The following LRP2 variants were observed in gnomAD, a reference collection of about 807,000 sequenced individuals.
LRP2 encodes low-density lipoprotein receptor-related protein 2.
In LRP2, 172 loss-of-function variants were observed where a neutral mutation model predicts 531.0. That is an observed-to-expected ratio of 0.32 (90% CI 0.29 to 0.37). The LOEUF is 0.37. LRP2 is among the 10% of genes least tolerant of loss of function. LRP2 has a pLI of 1.00. For missense variants in LRP2, 5,167 were observed against 5,868.3 expected (o/e 0.88, Z 3.90); for synonymous variants, 1,992 against 2,027.6 (o/e 0.98, Z 0.47).
At chr2:169,182,062 C>A in intron 51 of LRP2, 105 bp downstream of exon 51, 2 of 1,459,394 alleles carry the variant, frequency 1.4e-6, no homozygotes, top group South Asian at 1.1e-5. Context: ...GAAGACAAAC[C>A]CCAGCAAGAC....
At chr2:169,302,095 A>T (rs1349928784) in intron 4 of LRP2, among the ~76,000 whole-genome samples, 2 of 152,122 alleles carry the variant, frequency 1.3e-5, no homozygotes, top group Non-Finnish European at 2.9e-5. Context: ...TCCACAAGTA[A>T]TGATTTCCAT....
intron 1 of LRP2, among the ~76,000 whole-genome samples, chr2:169,350,490 G>A (rs772002619): frequency 5.3e-5 from 8 of 152,122 alleles, no homozygotes; most frequent in Admixed American, 2.0e-4. Context: ...TTGAGAGGCC[G>A]AGGGAGGAGG....
At chr2:169,170,211 T>G (rs910117686) in intron 59 of LRP2, among the ~76,000 whole-genome samples, 1 of 152,206 alleles carries the variant, frequency 6.6e-6, no homozygotes, top group Non-Finnish European at 1.5e-5. Context: ...TAGGAGCACA[T>G]GCATATTCCT....
rs759810477 is a variant in LRP2, at chr2:169,173,198, A to C, written c.11041T>G (p.Phe3681Val). The change falls in exon 57 of 79, where the codon TTC becomes GTC. Residue 3681 changes from phenylalanine to valine, a missense_variant. Around this residue, in one of 6 missense-constraint regions of LRP2, gnomAD observed 311 missense variants for 309.4 expected, o/e 1.01. Transcript: ENST00000649046. ...CMSSAHLCDN[F>V]TEFSCKTNYR... ...TTTGTTTTGCAGCTGAATTCTGTGA[A>C]GTTGTCACAGAGATGGGCAGAGCTC... 7.4e-6 allele frequency: 12 copies of C among 1,614,176 alleles called. No individual in the cohort carries two copies. Among genetic ancestry groups the C allele is most frequent in the South Asian group, 1.1e-5 (1 of 91,078 alleles).
chr2:169,301,450 T>C (rs1176552349), intron 4 of LRP2, among the ~76,000 whole-genome samples: 3 of 151,830 alleles, frequency 2.0e-5, no homozygotes, highest in Admixed American at 6.6e-5. Context: ...TGAGATGCCA[T>C]TTTACAGATG....
At chr2:169,261,264 A>C (rs1386445894) in intron 16 of LRP2, among the ~76,000 whole-genome samples, 1 of 152,030 alleles carries the variant, frequency 6.6e-6, no homozygotes, top group Non-Finnish European at 1.5e-5. Context: ...ATTTGGAAAA[A>C]AGAAGGTATC....
chr2:169,203,162 C>T (rs1311370816), intron 42 of LRP2, among the ~76,000 whole-genome samples: 2 of 152,052 alleles, frequency 1.3e-5, no homozygotes, highest in African/African-American at 2.4e-5. Flanking sequence ...ATAAATGTGC[C>T]GATTCCTTCT....
chr2:169,269,206 C>T lies in LRP2; in HGVS notation c.2320+1698G>A, dbSNP rs537772427. Among the ~76,000 whole-genome samples, 53 of 152,274 alleles carry T rather than the reference C, an allele frequency of 3.5e-4. No homozygotes were observed. In the South Asian group the frequency reaches 4.8e-3, roughly 14 times the overall value. Reference sequence around the variant, plus strand: ...AGGTGATTTATAGATTCAATGCCATCCCCATCAAGCTACCAATGACTTTCT... The same window carrying T: ...AGGTGATTTATAGATTCAATGCCATTCCCATCAAGCTACCAATGACTTTCT... On this transcript the variant is annotated intron_variant, in intron 16 of 78. Coordinates refer to ENST00000649046, the MANE Select transcript of LRP2 (RefSeq NM_004525.3).
intron 32 of LRP2, 144 bp downstream of exon 32, chr2:169,226,278 T>C (rs572669718): frequency 2.1e-5 from 14 of 678,218 alleles, no homozygotes; most frequent in South Asian, 7.3e-5. Flanking sequence ...ATACCCCTCA[T>C]TGAATCAAAA....
At chr2:169,318,671 A>G in intron 3 of LRP2, 91 bp downstream of exon 3, 1 of 1,573,422 alleles carries the variant, frequency 6.4e-7, no homozygotes, top group East Asian at 2.2e-5. Context: ...CACATTTATA[A>G]AGAATCATCC....
At chr2:169,173,887 G>T in intron 56 of LRP2, 32 bp downstream of exon 56, 2 of 1,613,440 alleles carry the variant, frequency 1.2e-6, no homozygotes, top group East Asian at 4.5e-5. Flanking sequence ...TCCCTGCTCT[G>T]GTCATGCCTT....
intron 24 of LRP2, among the ~76,000 whole-genome samples, chr2:169,242,261 A>G (rs1292529180): frequency 1.3e-5 from 2 of 152,214 alleles, no homozygotes; most frequent in Non-Finnish European, 2.9e-5. Context: ...TCTAAAATCC[A>G]TTTAAAACAA....
intron 50 of LRP2, among the ~76,000 whole-genome samples, chr2:169,183,220 G>A (rs141760683): frequency 1.1e-4 from 16 of 152,318 alleles, no homozygotes; most frequent in African/African-American, 2.4e-4. Flanking sequence ...ACAAGTACGC[G>A]CTTAACCATT....
At position 169,137,470 on chromosome 2, in the gene LRP2, C is replaced by T. The variant is rs757120992; in HGVS notation, c.13542G>A (p.Met4514Ile). The change falls in exon 76 of 79, where the codon ATG becomes ATA. Residue 4514 changes from methionine to isoleucine, a missense_variant. This residue lies in a region of LRP2 where 348 missense variants were observed against 369.3 expected (regional missense o/e 0.94). Coordinates refer to ENST00000649046, the MANE Select transcript of LRP2 (RefSeq NM_004525.3). ...MAMSEDFVME[M>I]GKQPIIFENP... ...TTTCAAATATTATGGGCTGCTTCCC[C>T]ATTTCCATGACAAAGTCTTCACTCT... 25 of 1,612,726 alleles carry T rather than the reference C, an allele frequency of 1.6e-5. No homozygotes were observed. Among genetic ancestry groups the T allele is most frequent in the Non-Finnish European group, 1.9e-5 (22 of 1,178,964 alleles).
chr2:169,354,399 G>T (rs114592855), intron 1 of LRP2, among the ~76,000 whole-genome samples: 1 of 152,298 alleles, frequency 6.6e-6, no homozygotes, highest in African/African-American at 2.4e-5. Context: ...ATGCGCCATT[G>T]TATCCATGGT....
Position 169,211,171 on chromosome 2 carries a change from T to C in LRP2, c.6280+797A>G, listed in dbSNP as rs551400141. On this transcript the variant is annotated intron_variant, in intron 37 of 78. Coordinates refer to ENST00000649046, the MANE Select transcript of LRP2 (RefSeq NM_004525.3). ...GGAGGACGTGTGGGACTGGAAGCTC[T>C]CTGATTCCCTTCTCCAGGTGCATTT... Among the ~76,000 whole-genome samples the C allele has an allele frequency of 1.2e-4, 18 of 152,346 alleles. No homozygotes were observed. The East Asian group carries it at 3.5e-3, about 29-fold the overall frequency.
intron 4 of LRP2, among the ~76,000 whole-genome samples, chr2:169,306,249 A>AG (rs1280258050): frequency 6.6e-6 from 1 of 152,102 alleles, no homozygotes; most frequent in African/African-American, 2.4e-5. Flanking sequence ...CAGAGAAACT[A>AG]GGGGCCAGAC....
At chr2:169,202,605 A>T in intron 43 of LRP2, 151 bp downstream of exon 43, 1 of 772,984 alleles carries the variant, frequency 1.3e-6, no homozygotes, top group Non-Finnish European at 2.3e-6. Context: ...TAACAGAAAC[A>T]GTCTGGATTA....
intron 1 of LRP2, among the ~76,000 whole-genome samples, chr2:169,343,592 A>G (rs1432250146): frequency 3.3e-5 from 5 of 152,194 alleles, no homozygotes; most frequent in Non-Finnish European, 7.3e-5. Context: ...GAAATTACTA[A>G]CACCCATTGT....
Sources: allele counts gnomAD v4.1 joint callset (sites outside exome capture counted in the v4.1 genomes callset), GRCh38; gene constraint gnomAD v4.1.1; regional missense constraint gnomAD v4.1.1; transcripts MANE v1.5; gene names NCBI Gene and HGNC (gene_info 2026-07-23, HGNC 2026-07-21).